The following GALNT13 variants were observed in gnomAD, a reference collection of about 807,000 sequenced individuals.
GALNT13 encodes polypeptide N-acetylgalactosaminyltransferase 13.
A neutral mutation model predicts 64.2 loss-of-function variants in GALNT13; 28 were observed. The ratio of observed to expected loss-of-function variants is 0.44; its 90% CI spans 0.32 to 0.60. The LOEUF (loss-of-function observed/expected upper bound fraction) is 0.60, where lower values mean the gene tolerates loss of function less well. Ranked by LOEUF, GALNT13 falls within the 20% of genes least tolerant of loss-of-function variation. The pLI is 0.05. For missense variants in GALNT13, 577 were observed against 669.8 expected (o/e 0.86, Z 1.53); for synonymous variants, 214 against 224.6 (o/e 0.95, Z 0.42).
intron 9 of GALNT13, among the ~76,000 whole-genome samples, chr2:154,372,863 G>A (rs959115798): frequency 3.3e-5 from 5 of 151,764 alleles, no homozygotes; most frequent in African/African-American, 9.7e-5. Flanking sequence ...CCTAAATCAT[G>A]AAAATTGTAT....
At chr2:153,373,182 A>G in the GALNT13 span, among the ~76,000 whole-genome samples, 2 of 151,564 alleles carry the variant, frequency 1.3e-5, no homozygotes, top group South Asian at 4.2e-4. Flanking sequence ...ATGCACACAT[A>G]CACTTTACTG....
intron 9 of GALNT13, among the ~76,000 whole-genome samples, chr2:154,357,114 A>G (rs972171220): frequency 1.3e-5 from 2 of 151,972 alleles, no homozygotes; most frequent in Admixed American, 6.6e-5. Context: ...TCCTGCTTGC[A>G]ATATAGTTTT....
the GALNT13 span, among the ~76,000 whole-genome samples, chr2:153,782,771 T>C: frequency 6.6e-6 from 1 of 152,202 alleles, no homozygotes; most frequent in South Asian, 2.1e-4. Flanking sequence ...ACCTTGATCA[T>C]GGTCTTCTAC....
the GALNT13 span, among the ~76,000 whole-genome samples, chr2:153,213,682 T>C: frequency 6.6e-6 from 1 of 152,202 alleles, no homozygotes. Context: ...AGCTCTGTTA[T>C]TAACAGCCAT....
chr2:153,885,462 G>GC (rs753415517), intron 1 of GALNT13, among the ~76,000 whole-genome samples: 3 of 150,762 alleles, frequency 2.0e-5, no homozygotes, highest in Non-Finnish European at 4.4e-5. Flanking sequence ...ACAGCTTAAT[G>GC]GTTTTTTTTG....
the GALNT13 span, among the ~76,000 whole-genome samples, chr2:153,681,403 A>G: frequency 1.3e-5 from 2 of 151,820 alleles, no homozygotes; most frequent in Non-Finnish European, 2.9e-5. Flanking sequence ...AAGAAATCTA[A>G]TCTTTTCTGG....
chr2:153,672,219 A>G, the GALNT13 span, among the ~76,000 whole-genome samples: 1 of 152,176 alleles, frequency 6.6e-6, no homozygotes, highest in African/African-American at 2.4e-5. Context: ...ACATCTACAG[A>G]ACCGTCCACC....
In GALNT13 at chr2:154,336,398, G is replaced by A. The variant is rs74926659; in HGVS notation, c.1156+34809G>A. Among the ~76,000 whole-genome samples the A allele has an allele frequency of 7.0e-3, 1,066 of 152,066 alleles. 12 individuals carry two copies. The highest frequency in any genetic ancestry group is 0.024 in the African/African-American group (1,016 of 41,496). On this transcript the variant is annotated intron_variant, in intron 9 of 12. Coordinates refer to ENST00000392825, the MANE Select transcript of GALNT13 (RefSeq NM_052917.4). ...CATCAGTGAGGACTACTGCATTCAC[G>A]TCAGAGATATTCTTGGCTTCCAGCT...
Position 153,920,786 on chromosome 2 carries a change from A to G in GALNT13, c.-105+19779A>G, listed in dbSNP as rs147869891. On this transcript the variant is annotated intron_variant, in intron 2 of 12. Transcript: ENST00000392825. The stretch of plus-strand genomic sequence containing the variant: ...TTGAGGAACTTAAGTGTATGAACAA[A>G]AAAACAACCCATTAAAAAGTGGGCA... 4.1e-3 allele frequency among the ~76,000 whole-genome samples: 617 copies of G among 151,994 alleles called. 3 individuals carry two copies. The highest frequency in any genetic ancestry group is 0.014 in the African/African-American group (591 of 41,534).
intron 2 of GALNT13, among the ~76,000 whole-genome samples, chr2:153,931,852 G>C (rs1259903769): frequency 6.6e-6 from 1 of 152,034 alleles, no homozygotes; most frequent in East Asian, 1.9e-4. Context: ...TTAGGTTTTG[G>C]TATGATAATG....
At chr2:153,652,492 G>C in the GALNT13 span, among the ~76,000 whole-genome samples, 2 of 152,060 alleles carry the variant, frequency 1.3e-5, no homozygotes, top group Non-Finnish European at 2.9e-5. Context: ...TCATCTGCCT[G>C]TAAGCCCAGC....
chr2:153,270,799 C>G, the GALNT13 span, among the ~76,000 whole-genome samples: 1 of 152,122 alleles, frequency 6.6e-6, no homozygotes. Context: ...CTGCAATGAA[C>G]TGAGATGGTG....
At chr2:153,511,541 C>T in the GALNT13 span, among the ~76,000 whole-genome samples, 11,818 of 152,158 alleles carry the variant, frequency 0.078, 509 homozygotes, top group East Asian at 0.21. Flanking sequence ...AACATAACCA[C>T]TCTAGGAAAA....
chr2:153,479,324 GAC>G, the GALNT13 span, among the ~76,000 whole-genome samples: 2 of 151,726 alleles, frequency 1.3e-5, no homozygotes, highest in African/African-American at 4.8e-5. Flanking sequence ...AATTTGGAAA[GAC>G]AGAAAGGCAT....
the GALNT13 span, among the ~76,000 whole-genome samples, chr2:153,745,641 A>T: frequency 6.6e-6 from 1 of 152,226 alleles, no homozygotes; most frequent in Non-Finnish European, 1.5e-5. Context: ...AAGTTTATTT[A>T]ACATTAAACT....
chr2:154,271,602 T>C (rs1481852467), intron 8 of GALNT13, among the ~76,000 whole-genome samples: 2 of 151,932 alleles, frequency 1.3e-5, no homozygotes, highest in African/African-American at 4.8e-5. Flanking sequence ...TTCTTCTCTT[T>C]CATGACCTCA....
At chr2:153,732,119 T>C in the GALNT13 span, among the ~76,000 whole-genome samples, 1 of 151,948 alleles carries the variant, frequency 6.6e-6, no homozygotes, top group African/African-American at 2.4e-5. Flanking sequence ...TTCAGAAAGA[T>C]TTTCTGGACT....
chr2:153,355,330 T>C, the GALNT13 span, among the ~76,000 whole-genome samples: 2 of 152,208 alleles, frequency 1.3e-5, no homozygotes, highest in Non-Finnish European at 2.9e-5. Flanking sequence ...ATGTATGCTA[T>C]ATTTCTGACT....
intron 3 of GALNT13, among the ~76,000 whole-genome samples, chr2:153,988,063 T>TAC (rs70981690): frequency 0.18 from 24,576 of 139,064 alleles, 2,546 homozygotes; most frequent in Middle Eastern, 0.27. Flanking sequence ...GTGACATATA[T>TAC]ATATATATAT....
Sources: allele counts gnomAD v4.1 joint callset (sites outside exome capture counted in the v4.1 genomes callset), GRCh38; gene constraint gnomAD v4.1.1; transcripts MANE v1.5; gene names NCBI Gene and HGNC (gene_info 2026-07-23, HGNC 2026-07-21).